Variants in SCRG1 observed in about 807,000 individuals in gnomAD.
The protein encoded by SCRG1 is scrapie-responsive protein 1.
Under a neutral mutation model 7.7 loss-of-function variants are expected in SCRG1, and 3 were observed. The observed-to-expected ratio is 0.39, with a 90% CI of 0.18 to 1.01. SCRG1 has a LOEUF of 1.01. SCRG1 is among the 50% of genes least tolerant of loss of function. The probability of loss-of-function intolerance (pLI) is 0.36; values close to 1 mark genes in which losing one functional copy is unlikely to be tolerated. For synonymous variants in SCRG1, 46 were observed against 41.2 expected (o/e 1.12, Z -0.44); for missense variants, 110 against 117.2 (o/e 0.94, Z 0.28).
chr4:173,435,160 AG>A, the SCRG1 span, among the ~76,000 whole-genome samples: 1 of 151,322 alleles, frequency 6.6e-6, no homozygotes, highest in Non-Finnish European at 1.5e-5. Context: ...GTGTGTTTAA[AG>A]AACTTAGATT....
chr4:173,456,813 GA>G, the SCRG1 span, among the ~76,000 whole-genome samples: 2 of 152,178 alleles, frequency 1.3e-5, no homozygotes, highest in African/African-American at 4.8e-5. Flanking sequence ...AGATAGGATT[GA>G]AAGGTTTTTG....
At chr4:173,483,182 A>C in the SCRG1 span, among the ~76,000 whole-genome samples, 1 of 126,494 alleles carries the variant, frequency 7.9e-6, no homozygotes, top group Non-Finnish European at 1.6e-5. Context: ...CATATAATAT[A>C]TTATATATGA....
chr4:173,417,276 A>G, the SCRG1 span, among the ~76,000 whole-genome samples: 1 of 152,200 alleles, frequency 6.6e-6, no homozygotes, highest in East Asian at 1.9e-4. Flanking sequence ...CCCCAAATTG[A>G]GGATCTTTAG....
chr4:173,443,943 TTGTGTG>T, the SCRG1 span, among the ~76,000 whole-genome samples: 11,574 of 138,500 alleles, frequency 0.084, 484 homozygotes, highest in East Asian at 0.12. Context: ...AGAGCTTGTT[TTGTGTG>T]TGTGTGTGTG....
At chr4:173,428,334 A>G in the SCRG1 span, among the ~76,000 whole-genome samples, 91 of 152,352 alleles carry the variant, frequency 6.0e-4, no homozygotes, top group African/African-American at 2.2e-3. Context: ...ATTGCTGGGG[A>G]AACGTTTACT....
At chr4:173,426,242 C>T in the SCRG1 span, among the ~76,000 whole-genome samples, 2 of 152,174 alleles carry the variant, frequency 1.3e-5, no homozygotes, top group Non-Finnish European at 2.9e-5. Context: ...AGAAGTGAGC[C>T]ACAAACCCCA....
the SCRG1 span, among the ~76,000 whole-genome samples, chr4:173,505,859 G>A: frequency 6.6e-6 from 1 of 152,216 alleles, no homozygotes; most frequent in Non-Finnish European, 1.5e-5. The surrounding 1 kb of genome is among the most constrained non-coding windows in gnomAD (Gnocchi z 4.4). Flanking sequence ...GGTTTCCAGA[G>A]CTCCACACTT....
chr4:173,463,544 C>T, the SCRG1 span, among the ~76,000 whole-genome samples: 3 of 152,082 alleles, frequency 2.0e-5, no homozygotes, highest in African/African-American at 4.8e-5. Flanking sequence ...ATAGTTCTGT[C>T]TGGTATCTGT....
the SCRG1 span, chr4:173,419,304 A>T: frequency 1.4e-6 from 1 of 702,418 alleles, no homozygotes; most frequent in Non-Finnish European, 2.3e-6. Context: ...TGAGCTACCC[A>T]ATCTTTCTTC....
the SCRG1 span, among the ~76,000 whole-genome samples, chr4:173,504,056 G>A: frequency 2.6e-5 from 4 of 152,150 alleles, no homozygotes; most frequent in Admixed American, 6.5e-5. This position sits in a 1 kb window ranked among gnomAD's most constrained non-coding sequence, Gnocchi z 4.7. Context: ...ACCCACTCAC[G>A]AGCACCACTT....
the SCRG1 span, among the ~76,000 whole-genome samples, chr4:173,442,851 A>C: frequency 6.6e-6 from 1 of 152,208 alleles, no homozygotes; most frequent in Non-Finnish European, 1.5e-5. Context: ...TAATCTACTC[A>C]TGAGGTCAGG....
chr4:173,501,627 A>G, the SCRG1 span, among the ~76,000 whole-genome samples: 1 of 152,008 alleles, frequency 6.6e-6, no homozygotes, highest in Admixed American at 6.5e-5. This position sits in a 1 kb window ranked among gnomAD's most constrained non-coding sequence, Gnocchi z 5.1. Flanking sequence ...CTGACCCTAG[A>G]GGGTCAGGAA....
chr4:173,404,995 T>C (rs780879414), intron 1 of SCRG1, among the ~76,000 whole-genome samples: 21 of 152,198 alleles, frequency 1.4e-4, no homozygotes, highest in Non-Finnish European at 2.4e-4. Context: ...ATTAGTGTGG[T>C]CCATTTTTTA....
chr4:173,415,046 G>A, the SCRG1 span, among the ~76,000 whole-genome samples: 6 of 152,288 alleles, frequency 3.9e-5, no homozygotes, highest in Non-Finnish European at 7.4e-5. Context: ...CTTGAAAACA[G>A]CAAATTTATA....
the SCRG1 span, among the ~76,000 whole-genome samples, chr4:173,506,209 T>C: frequency 1.3e-5 from 2 of 152,232 alleles, no homozygotes; most frequent in Admixed American, 6.5e-5. This position sits in a 1 kb window ranked among gnomAD's most constrained non-coding sequence, Gnocchi z 5.3. Flanking sequence ...ACTTTGACTT[T>C]CCTGTGGGTA....
chr4:173,403,462 C>T (rs1739815294), upstream of SCRG1, among the ~76,000 whole-genome samples: 1 of 152,024 alleles, frequency 6.6e-6, no homozygotes, highest in Admixed American at 6.5e-5. Context: ...AGTAAGGCAC[C>T]CACCTTCGTC....
intron 1 of SCRG1, among the ~76,000 whole-genome samples, chr4:173,397,781 G>A (rs756934887): frequency 1.3e-5 from 2 of 152,188 alleles, no homozygotes; most frequent in Non-Finnish European, 2.9e-5. Flanking sequence ...TGGTGCAAAT[G>A]CTCATACAGG....
Position 173,388,209 on chromosome 4 carries a change from T to A in SCRG1, c.*132A>T. ...ACTACTTGTTTAACACAGATTTACT[T>A]GTCTTAGACAAGTAAGAATTTATAG... On this transcript the variant is annotated 3_prime_UTR_variant, in exon 3 of 3. Transcript: ENST00000296506. The A allele has an allele frequency of 1.9e-6, 1 of 531,832 alleles. No individual in the cohort carries two copies. The highest frequency in any genetic ancestry group is 3.3e-6 in the Non-Finnish European group (1 of 302,450). The allele number at this position is 531,832 out of a possible 1,614,324, so 32.9% of individuals were successfully genotyped here. A position where few individuals can be genotyped will look rare whatever the true frequency, so the allele number is the denominator to read the frequency against.
intron 2 of SCRG1, among the ~76,000 whole-genome samples, chr4:173,390,428 T>A (rs1739393672): frequency 1.3e-5 from 2 of 152,036 alleles, no homozygotes; most frequent in African/African-American, 4.8e-5. Context: ...TTCTGTTCAG[T>A]TAATTACTTG....
Sources: gnomAD v4.1 joint callset for allele counts (sites outside exome capture counted in the v4.1 genomes callset) on GRCh38, gnomAD v4.1.1 for gene constraint, Gnocchi (gnomAD v3.1) non-coding constraint, MANE v1.5 for transcripts, NCBI Gene and HGNC (gene_info 2026-07-23, HGNC 2026-07-21) for gene names.